The following ACBD6 variants were observed in gnomAD, a reference collection of about 807,000 sequenced individuals.
ACBD6 encodes the protein acyl-CoA binding domain containing 6.
In ACBD6, 28 loss-of-function variants were observed where a neutral mutation model predicts 37.2. The ratio of observed to expected loss-of-function variants is 0.75; its 90% CI spans 0.56 to 1.03. ACBD6 has a LOEUF of 1.03. ACBD6 is among the 50% of genes least tolerant of loss of function. The probability of loss-of-function intolerance (pLI) is 0.00; values close to 1 mark genes in which losing one functional copy is unlikely to be tolerated. For missense variants in ACBD6, 340 were observed against 337.4 expected (o/e 1.01, Z -0.06); for synonymous variants, 113 against 126.8 (o/e 0.89, Z 0.73).
At chr1:180,301,739 G>T (rs977329694) in intron 7 of ACBD6, among the ~76,000 whole-genome samples, 1 of 152,056 alleles carries the variant, frequency 6.6e-6, no homozygotes, top group African/African-American at 2.4e-5. Context: ...CAAGAACTGC[G>T]AGATCACTTT....
intron 6 of ACBD6, among the ~76,000 whole-genome samples, chr1:180,376,321 C>G (rs932542929): frequency 6.6e-6 from 1 of 152,192 alleles, no homozygotes; most frequent in African/African-American, 2.4e-5. Flanking sequence ...AGTAATTCCA[C>G]TTACAGGAAT....
chr1:180,467,735 T>C (rs554602916), intron 3 of ACBD6, among the ~76,000 whole-genome samples: 1 of 152,328 alleles, frequency 6.6e-6, no homozygotes, highest in East Asian at 1.9e-4. Flanking sequence ...TAATACACCA[T>C]GAACAACTTT....
intron 9 of ACBD6, among the ~76,000 whole-genome samples, chr1:180,279,745 A>G (rs1649252167): frequency 6.6e-6 from 1 of 152,024 alleles, no homozygotes; most frequent in South Asian, 2.1e-4. Flanking sequence ...GAGAATCTCC[A>G]TTTAGGTTTG....
At chr1:180,396,722 A>T (rs1328759141) in intron 6 of ACBD6, among the ~76,000 whole-genome samples, 1 of 151,506 alleles carries the variant, frequency 6.6e-6, no homozygotes, top group Admixed American at 6.6e-5. Flanking sequence ...GGGAAATGTA[A>T]ATCAAAATTA....
intron 5 of ACBD6, among the ~76,000 whole-genome samples, chr1:180,400,322 A>G (rs1647304449): frequency 6.6e-6 from 1 of 152,196 alleles, no homozygotes; most frequent in Non-Finnish European, 1.5e-5. Flanking sequence ...GTGCTCTCAG[A>G]CATTTACACC....
rs1489536416 is a variant in ACBD6, at chr1:180,403,532, TA to T, written c.574-5928del. Among the ~76,000 whole-genome samples the T allele has an allele frequency of 2.6e-5, 4 of 152,252 alleles. No homozygotes were observed. The East Asian group carries it at 7.7e-4, about 29-fold the overall frequency. On this transcript the variant is annotated intron_variant, in intron 5 of 7. Transcript: ENST00000367595. ...AATGGTAGAATCGAGATGGTAGAAA[TA>T]CGGATGTTCATTGTAAAATTCAACT...
chr1:180,429,372 T>C (rs537035045), intron 4 of ACBD6, among the ~76,000 whole-genome samples: 37 of 152,356 alleles, frequency 2.4e-4, no homozygotes, highest in Non-Finnish European at 5.0e-4. Context: ...TGTGTTCTTG[T>C]GACTGGCTTA....
intron 6 of ACBD6, among the ~76,000 whole-genome samples, chr1:180,330,999 A>T (rs546029721): frequency 7.2e-5 from 11 of 152,342 alleles, no homozygotes; most frequent in Admixed American, 7.2e-4. Context: ...TCCTTGAGGT[A>T]ATTCATGTGA....
chr1:180,484,275 CCTT>C (rs57317168), intron 3 of ACBD6, among the ~76,000 whole-genome samples: 24,121 of 152,072 alleles, frequency 0.16, 1,944 homozygotes, highest in Middle Eastern at 0.22. Flanking sequence ...TACAAAACTG[CCTT>C]ATTATTTGTC....
chr1:180,440,131 T>A (rs1401476245), intron 3 of ACBD6, among the ~76,000 whole-genome samples: 1 of 152,134 alleles, frequency 6.6e-6, no homozygotes, highest in African/African-American at 2.4e-5. Context: ...ATTTTTTAGA[T>A]GAAGTCTCAC....
intron 4 of ACBD6, among the ~76,000 whole-genome samples, chr1:180,415,700 T>C (rs1203123421): frequency 6.6e-6 from 1 of 152,252 alleles, no homozygotes; most frequent in Non-Finnish European, 1.5e-5. Flanking sequence ...CCAGTATATG[T>C]AAGCGTTATT....
intron 2 of ACBD6, among the ~76,000 whole-genome samples, chr1:180,493,595 A>G (rs1651612157): frequency 6.6e-6 from 1 of 152,214 alleles, no homozygotes; most frequent in Non-Finnish European, 1.5e-5. Context: ...TTCCTTAAGA[A>G]TTACTTATAC....
intron 1 of ACBD6, among the ~76,000 whole-genome samples, chr1:180,498,227 T>C (rs1651809424): frequency 6.6e-6 from 1 of 152,234 alleles, no homozygotes; most frequent in African/African-American, 2.4e-5. Flanking sequence ...TGGTGGCAGA[T>C]ATAGATTTTC....
Position 180,403,316 on chromosome 1 carries a change from G to A in ACBD6, c.574-5711C>T, listed in dbSNP as rs1021060047. ...CAAAGTTCATCAAATGTGTACTTAA[G>A]ACTTGTGCATTTCATTGTATATAAA... is the stretch of plus-strand genomic sequence containing the variant. On this transcript the variant is annotated intron_variant, in intron 5 of 7. Coordinates refer to ENST00000367595, the MANE Select transcript of ACBD6 (RefSeq NM_032360.4). Among the ~76,000 whole-genome samples the A allele has an allele frequency of 5.9e-5, 9 of 152,256 alleles. No homozygotes were observed. The South Asian group carries it at 1.5e-3, about 25-fold the overall frequency.
At chr1:180,417,152 T>C (rs1417801678) in intron 4 of ACBD6, among the ~76,000 whole-genome samples, 1 of 152,194 alleles carries the variant, frequency 6.6e-6, no homozygotes, top group Non-Finnish European at 1.5e-5. Flanking sequence ...TTTAAAGAGA[T>C]ATGCAGGTAT....
chr1:180,297,163 T>C (rs1192342161), intron 7 of ACBD6, among the ~76,000 whole-genome samples: 4 of 152,202 alleles, frequency 2.6e-5, no homozygotes, highest in African/African-American at 4.8e-5. Context: ...TCTGGTTCCC[T>C]TGACCATCTT....
chr1:180,477,181 C>CT (rs1283094566), intron 3 of ACBD6, among the ~76,000 whole-genome samples: 1 of 152,084 alleles, frequency 6.6e-6, no homozygotes, highest in Non-Finnish European at 1.5e-5. Context: ...ACAGGGCATG[C>CT]AATTTAAAAC....
intron 2 of ACBD6, among the ~76,000 whole-genome samples, chr1:180,492,769 A>G (rs1193858996): frequency 2.0e-5 from 3 of 152,206 alleles, no homozygotes; most frequent in Non-Finnish European, 2.9e-5. Context: ...TGCTTATGGC[A>G]TTTTGGTCGT....
At chr1:180,345,280 A>C (rs1052148182) in intron 6 of ACBD6, among the ~76,000 whole-genome samples, 1 of 152,188 alleles carries the variant, frequency 6.6e-6, no homozygotes, top group African/African-American at 2.4e-5. Context: ...GAAATCCAGG[A>C]AATAATTATT....
Sources: allele counts gnomAD v4.1 joint callset (sites outside exome capture counted in the v4.1 genomes callset), GRCh38; gene constraint gnomAD v4.1.1; transcripts MANE v1.5; gene names NCBI Gene and HGNC (gene_info 2026-07-23, HGNC 2026-07-21).